FAM120A: variants seen among roughly 807,000 people sequenced by gnomAD.
The protein encoded by FAM120A is family with sequence similarity 120 member A.
In FAM120A, 15 loss-of-function variants were observed where a neutral mutation model predicts 109.7. The observed-to-expected ratio is 0.14, with a 90% CI of 0.09 to 0.21. The LOEUF (loss-of-function observed/expected upper bound fraction) is 0.21, where lower values mean the gene tolerates loss of function less well. FAM120A is among the 10% of genes least tolerant of loss of function. The pLI, the probability that FAM120A is intolerant of heterozygous loss-of-function variation, is 1.00. For synonymous variants in FAM120A, 493 were observed against 572.8 expected (o/e 0.86, Z 1.99); for missense variants, 899 against 1,439.3 (o/e 0.62, Z 6.07).
intron 13 of FAM120A, among the ~76,000 whole-genome samples, chr9:93,557,318 C>T (rs1324326673): frequency 2.0e-5 from 3 of 151,910 alleles, no homozygotes; most frequent in Non-Finnish European, 4.4e-5. Context: ...TTAGTAGAGA[C>T]GGTGTTTTGC....
rs902716922 is a variant in FAM120A at position 93,565,707 on chromosome 9, A to G, written c.*1167A>G. The G allele has an allele frequency of 6.0e-5, 9 of 150,672 alleles. No homozygotes were observed. The highest frequency in any genetic ancestry group is 1.0e-4 in the Non-Finnish European group (7 of 67,658). The allele number at this position is 150,672 out of a possible 1,614,324, so 9.3% of individuals were successfully genotyped here. ...ACCCTTTGATCTTAAAAAAAAAAAA[A>G]CCACCCCCCCCTTCTGTAGCAGGAA... On this transcript the variant is annotated 3_prime_UTR_variant, in exon 18 of 18. Transcript: ENST00000277165.
chr9:93,556,669 C>T, intron 13 of FAM120A, 78 bp downstream of exon 13: 1 of 1,354,696 alleles, frequency 7.4e-7, no homozygotes, highest in Non-Finnish European at 1.0e-6. Context: ...TCTTTTATAC[C>T]ATATTTATCA....
At chr9:93,519,051 G>A (rs1224939711) in intron 7 of FAM120A, among the ~76,000 whole-genome samples, 2 of 152,060 alleles carry the variant, frequency 1.3e-5, no homozygotes, top group Admixed American at 6.5e-5. Context: ...TCCAGAGTGT[G>A]CTTAGCATGA....
At chr9:93,469,057 G>T (rs1858189027) in intron 1 of FAM120A, among the ~76,000 whole-genome samples, 1 of 152,196 alleles carries the variant, frequency 6.6e-6, no homozygotes, top group South Asian at 2.1e-4. Flanking sequence ...CCCTGCCCAT[G>T]CTGCATGGAT....
At position 93,511,905 on chromosome 9, in the gene FAM120A, C is replaced by T. The variant is rs10992767; in HGVS notation, c.1031-3762C>T. Reference sequence around the variant, plus strand: ...CCTCCAGGGTTCAAGCGATTTTCAGCCTCTGCCTCCCGAGTAGCTGGGGTT... The same window carrying T: ...CCTCCAGGGTTCAAGCGATTTTCAGTCTCTGCCTCCCGAGTAGCTGGGGTT... On this transcript the variant is annotated intron_variant, in intron 5 of 17. Coordinates refer to ENST00000277165, the MANE Select transcript of FAM120A (RefSeq NM_014612.5). 6.1e-3 allele frequency among the ~76,000 whole-genome samples: 935 copies of T among 152,312 alleles called. 79 individuals carry two copies. The East Asian group carries it at 0.16, about 26-fold the overall frequency.
chr9:93,526,625 T>C (rs1254743719), intron 7 of FAM120A, among the ~76,000 whole-genome samples: 1 of 152,212 alleles, frequency 6.6e-6, no homozygotes, highest in Non-Finnish European at 1.5e-5. Context: ...AGAGTGTACC[T>C]TCCCTGTCTT....
At chr9:93,469,350 T>C (rs1299329509) in intron 1 of FAM120A, among the ~76,000 whole-genome samples, 1 of 152,208 alleles carries the variant, frequency 6.6e-6, no homozygotes, top group African/African-American at 2.4e-5. Flanking sequence ...AGCTGACTTT[T>C]CTAGATCTCC....
At chr9:93,485,842 T>C (rs1018116961) in intron 3 of FAM120A, among the ~76,000 whole-genome samples, 5 of 152,034 alleles carry the variant, frequency 3.3e-5, no homozygotes, top group Admixed American at 1.3e-4. Flanking sequence ...GACTTCTGTC[T>C]CTATGGATTT....
chr9:93,563,349 A>T (rs1228789830), intron 17 of FAM120A, among the ~76,000 whole-genome samples: 1 of 152,258 alleles, frequency 6.6e-6, no homozygotes, highest in Non-Finnish European at 1.5e-5. Context: ...TTCAGCACCG[A>T]GTCAGTCTAT....
chr9:93,501,743 C>T (rs1191689085), intron 5 of FAM120A, among the ~76,000 whole-genome samples: 1 of 152,168 alleles, frequency 6.6e-6, no homozygotes, highest in Non-Finnish European at 1.5e-5. Flanking sequence ...TGGAGAGAGG[C>T]TTCAGGCAAG....
intron 12 of FAM120A, among the ~76,000 whole-genome samples, chr9:93,556,174 C>A (rs112143823): frequency 2.6e-5 from 4 of 152,308 alleles, no homozygotes; most frequent in African/African-American, 9.6e-5. Context: ...ATAAAATATT[C>A]TCTTAAATTC....
chr9:93,466,484 T>C (rs1041494941), intron 1 of FAM120A, among the ~76,000 whole-genome samples: 1 of 151,940 alleles, frequency 6.6e-6, no homozygotes, highest in Non-Finnish European at 1.5e-5. Context: ...ACGAGATGCT[T>C]TAGGTGCACC....
At chr9:93,514,665 C>G (rs1860486503) in intron 5 of FAM120A, among the ~76,000 whole-genome samples, 1 of 152,318 alleles carries the variant, frequency 6.6e-6, no homozygotes, top group South Asian at 2.1e-4. Flanking sequence ...GAGTGCAGCT[C>G]CTAGAGGTCC....
intron 5 of FAM120A, among the ~76,000 whole-genome samples, chr9:93,510,292 G>A (rs919147529): frequency 1.7e-4 from 26 of 152,208 alleles, no homozygotes; most frequent in African/African-American, 5.8e-4. Flanking sequence ...ATTTTGGAAG[G>A]TCATTTTTAT....
intron 10 of FAM120A, among the ~76,000 whole-genome samples, chr9:93,538,429 A>T (rs1245141033): frequency 2.0e-5 from 3 of 152,180 alleles, no homozygotes; most frequent in Non-Finnish European, 4.4e-5. Flanking sequence ...TTCTCTCCTG[A>T]TATAAATGAA....
At chr9:93,502,796 A>C (rs919441605) in intron 5 of FAM120A, among the ~76,000 whole-genome samples, 10 of 152,228 alleles carry the variant, frequency 6.6e-5, no homozygotes, top group Non-Finnish European at 1.5e-4. Context: ...CCACGAAATC[A>C]CCAATCTAAA....
At chr9:93,552,607 A>G (rs1862139028) in intron 12 of FAM120A, among the ~76,000 whole-genome samples, 1 of 152,238 alleles carries the variant, frequency 6.6e-6, no homozygotes, top group Non-Finnish European at 1.5e-5. Flanking sequence ...CCTCTCAGCT[A>G]TCATCAGATT....
At position 93,548,925 on chromosome 9, in the gene FAM120A, C is replaced by G. The variant is rs145063731; in HGVS notation, c.2160-1652C>G. 2.1e-3 allele frequency among the ~76,000 whole-genome samples: 314 copies of G among 152,248 alleles called. 10 individuals are homozygous for G. The South Asian group carries it at 0.034, about 16-fold the overall frequency. On this transcript the variant is annotated intron_variant, in intron 11 of 17. Transcript: ENST00000277165. ...AGGTGGGGTGGCGTGTGCCTGTAAT[C>G]CCAGCTACTTGGGAGGCTGAGGCAG...
At chr9:93,478,131 A>T (rs1021401028) in intron 3 of FAM120A, among the ~76,000 whole-genome samples, 2 of 152,052 alleles carry the variant, frequency 1.3e-5, no homozygotes, top group Non-Finnish European at 2.9e-5. Flanking sequence ...ACTTTATCAT[A>T]TTACTCCTAT....
Sources: allele counts gnomAD v4.1 joint callset (sites outside exome capture counted in the v4.1 genomes callset), GRCh38; gene constraint gnomAD v4.1.1; transcripts MANE v1.5; gene names NCBI Gene and HGNC (gene_info 2026-07-23, HGNC 2026-07-21).